The following SLC36A1 variants were observed in gnomAD, a reference collection of about 807,000 sequenced individuals.
SLC36A1 encodes solute carrier family 36 member 1.
In SLC36A1, 30 loss-of-function variants were observed where a neutral mutation model predicts 47.5. The ratio of observed to expected loss-of-function variants is 0.63; its 90% confidence interval spans 0.47 to 0.86. The LOEUF is 0.86. Among genes scored for constraint, SLC36A1 ranks in the 40% least tolerant of loss-of-function variants. The pLI, the probability that SLC36A1 is intolerant of heterozygous loss-of-function variation, is 0.00. For synonymous variants in SLC36A1, 255 were observed against 249.7 expected, an observed-to-expected ratio of 1.02 and a Z score of -0.20; for missense variants, 517 against 606.0, an observed-to-expected ratio of 0.85 and a Z score of 1.54.
chr5:151,415,290 C>G, the SLC36A1 span, among the ~76,000 whole-genome samples: 1 of 152,076 alleles, frequency 6.6e-6, no homozygotes, highest in African/African-American at 2.4e-5. Context: ...TGGGGCTTCC[C>G]TCTACTCTGG....
At chr5:151,496,434 T>G (rs897547736), downstream of SLC36A1, among the ~76,000 whole-genome samples, 2 of 152,258 alleles carry the variant, frequency 1.3e-5, no homozygotes, top group Non-Finnish European at 2.9e-5. Context: ...TTATTCGTTT[T>G]AAAAGGAACT....
At chr5:151,385,749 A>G in the SLC36A1 span, among the ~76,000 whole-genome samples, 1 of 152,306 alleles carries the variant, frequency 6.6e-6, no homozygotes, top group Admixed American at 6.5e-5. Context: ...GACAAAAACC[A>G]AACCAAACAA....
the SLC36A1 span, among the ~76,000 whole-genome samples, chr5:151,367,374 T>TTTTTTTTTTC: frequency 2.7e-5 from 4 of 145,532 alleles, no homozygotes; most frequent in African/African-American, 1.0e-4. Flanking sequence ...TTTTTTTTTT[T>TTTTTTTTTTC]CCCCAGGGTA....
chr5:151,475,135 G>A (rs1757872782), intron 8 of SLC36A1, among the ~76,000 whole-genome samples: 1 of 152,192 alleles, frequency 6.6e-6, no homozygotes, highest in Non-Finnish European at 1.5e-5. Context: ...AACACAAATG[G>A]TTTCCTGCTG....
chr5:151,415,669 T>A, the SLC36A1 span, among the ~76,000 whole-genome samples: 1 of 152,206 alleles, frequency 6.6e-6, no homozygotes, highest in Admixed American at 6.5e-5. Flanking sequence ...GTGTCTATTT[T>A]GTTTGTCTCT....
chr5:151,417,599 G>C, the SLC36A1 span, among the ~76,000 whole-genome samples: 1 of 152,302 alleles, frequency 6.6e-6, no homozygotes, highest in African/African-American at 2.4e-5. Context: ...ATTTCTAACA[G>C]CAAAGCACTC....
intron 7 of SLC36A1, among the ~76,000 whole-genome samples, chr5:151,469,092 T>TA (rs10709981): frequency 0.026 from 3,846 of 149,034 alleles, 157 homozygotes; most frequent in African/African-American, 0.09. Context: ...AAGCATAACT[T>TA]AAAAAAAAAA....
At chr5:151,407,097 C>T in the SLC36A1 span, among the ~76,000 whole-genome samples, 1 of 152,146 alleles carries the variant, frequency 6.6e-6, no homozygotes, top group South Asian at 2.1e-4. Flanking sequence ...AGCTGCAGAC[C>T]TTTGCAGCGA....
chr5:151,536,813 C>T, the SLC36A1 span, among the ~76,000 whole-genome samples: 2 of 152,234 alleles, frequency 1.3e-5, no homozygotes, highest in Non-Finnish European at 2.9e-5. Flanking sequence ...ATGACACTCA[C>T]CTGCCTAAAT....
At chr5:151,496,395 A>G (rs1229369096), downstream of SLC36A1, among the ~76,000 whole-genome samples, 6 of 152,222 alleles carry the variant, frequency 3.9e-5, no homozygotes, top group African/African-American at 7.2e-5. Context: ...CAGCAGCGCG[A>G]AAACAGACTA....
chr5:151,347,048 G>C, the SLC36A1 span, among the ~76,000 whole-genome samples: 1 of 152,204 alleles, frequency 6.6e-6, no homozygotes, highest in African/African-American at 2.4e-5. Flanking sequence ...TCAGTATGTG[G>C]TCCAGGGTAA....
the SLC36A1 span, among the ~76,000 whole-genome samples, chr5:151,346,639 T>C: frequency 6.6e-6 from 1 of 152,156 alleles, no homozygotes; most frequent in African/African-American, 2.4e-5. Flanking sequence ...CTAAGTAAAC[T>C]AGCAAGTCTG....
chr5:151,438,890 A>T, intron 1 of SLC36A1, among the ~76,000 whole-genome samples: 1 of 152,184 alleles, frequency 6.6e-6, no homozygotes. Flanking sequence ...TTCTTTAAAC[A>T]TATTTCATTT....
chr5:151,545,776 G>C, the SLC36A1 span: 3 of 1,614,110 alleles, frequency 1.9e-6, no homozygotes, highest in Non-Finnish European at 2.5e-6. Context: ...AATCACAAAG[G>C]GGTTGTTGTT....
the SLC36A1 span, among the ~76,000 whole-genome samples, chr5:151,357,817 A>G: frequency 3.3e-5 from 5 of 152,366 alleles, no homozygotes; most frequent in African/African-American, 1.2e-4. Flanking sequence ...TTTTACTTCC[A>G]GAAATCTGCT....
At chr5:151,397,678 C>A in the SLC36A1 span, among the ~76,000 whole-genome samples, 1 of 146,602 alleles carries the variant, frequency 6.8e-6, no homozygotes, top group African/African-American at 2.5e-5. Flanking sequence ...GCGGGAGAAT[C>A]GCTTGAATCC....
the SLC36A1 span, among the ~76,000 whole-genome samples, chr5:151,398,591 A>C: frequency 6.6e-6 from 1 of 152,216 alleles, no homozygotes; most frequent in African/African-American, 2.4e-5. Context: ...CTCATCCTTT[A>C]TTCCAGCCCC....
At chr5:151,532,041 C>A in the SLC36A1 span, 5 of 1,567,664 alleles carry the variant, frequency 3.2e-6, no homozygotes, top group Non-Finnish European at 4.3e-6. Flanking sequence ...GCAAACCCTG[C>A]AGCCACAGGA....
the SLC36A1 span, among the ~76,000 whole-genome samples, chr5:151,534,234 A>C: frequency 3.9e-5 from 6 of 152,236 alleles, no homozygotes; most frequent in Non-Finnish European, 7.3e-5. Flanking sequence ...ATCATTTGTC[A>C]TATAGCACTT....
Sources: allele counts gnomAD v4.1 joint callset (sites outside exome capture counted in the v4.1 genomes callset), GRCh38; gene constraint gnomAD v4.1.1; transcripts MANE v1.5; gene names NCBI Gene and HGNC (gene_info 2026-07-23, HGNC 2026-07-21).